The following LINS1 variants were observed in gnomAD, a reference collection of about 807,000 sequenced individuals.
LINS1 encodes the protein lines homolog 1, also known as protein Lines homolog 1.
LINS1 carries 27 observed loss-of-function variants against 41.6 expected under a neutral mutation model. The ratio of observed to expected loss-of-function variants is 0.65; its 90% CI spans 0.48 to 0.89. LINS1 has a LOEUF of 0.89. Ranked by LOEUF, LINS1 falls within the 40% of genes least tolerant of loss-of-function variation. The pLI is 0.00. For synonymous variants in LINS1, 336 were observed against 312.9 expected (o/e 1.07, Z -0.78); for missense variants, 955 against 884.1 (o/e 1.08, Z -1.02).
chr15:100,578,872 G>A (rs1161938662), intron 3 of LINS1, among the ~76,000 whole-genome samples: 1 of 152,126 alleles, frequency 6.6e-6, no homozygotes, highest in Non-Finnish European at 1.5e-5. Context: ...CATGTCCTTT[G>A]TAGGGACATG....
intron 1 of LINS1, chr15:100,586,299 T>G (rs1482266437): frequency 6.6e-6 from 1 of 152,232 alleles, no homozygotes; most frequent in East Asian, 1.9e-4. Context: ...ATTTTACATA[T>G]CTTGATTGAT....
chr15:100,595,022 A>C (rs928494303), intron 1 of LINS1, among the ~76,000 whole-genome samples: 2 of 152,220 alleles, frequency 1.3e-5, no homozygotes, highest in Admixed American at 1.3e-4. Flanking sequence ...CCTTGATTTT[A>C]CTTTCTCTAA....
At chr15:100,570,693 A>G (rs1236121103) in intron 6 of LINS1, 2 of 152,504 alleles carry the variant, frequency 1.3e-5, no homozygotes, top group Non-Finnish European at 2.9e-5. Context: ...GAAGTGATTG[A>G]TGACATGATT....
Position 100,580,889 on chromosome 15 carries a change from T to G in LINS1, c.-47A>C. On this transcript the variant is annotated 5_prime_UTR_variant, in exon 2 of 7. Coordinates refer to ENST00000314742, the MANE Select transcript of LINS1 (RefSeq NM_001040616.3). The stretch of plus-strand genomic sequence containing the variant: ...TATAAGAAGGTCGACAACTCCAAGT[T>G]GTAAACATTAAATCTCAGAAGTGCA... 7.1e-6 allele frequency: 11 copies of G among 1,544,754 alleles called. No homozygotes were observed. The highest frequency in any genetic ancestry group is 9.8e-6 in the Non-Finnish European group (11 of 1,127,974).
At chr15:100,574,872 T>C in intron 4 of LINS1, 115 bp downstream of exon 4, 1 of 1,131,358 alleles carries the variant, frequency 8.8e-7, no homozygotes, top group Non-Finnish European at 1.3e-6. Context: ...AGAGACTGAC[T>C]TTTTCATTAC....
intron 5 of LINS1, chr15:100,572,576 T>C (rs1014288538): frequency 7.3e-5 from 73 of 999,360 alleles, no homozygotes; most frequent in Non-Finnish European, 8.6e-5. Flanking sequence ...AACTGAATTA[T>C]ATAACAGGTG....
At position 100,569,590 on chromosome 15, in the gene LINS1, TC is replaced by T. The variant is rs1312264904; in HGVS notation, c.1921del (p.Glu641SerfsTer4). The part of the protein sequence containing the change: ...SSDDSDVEST[E>X]QCLANSKQTS... ...CTGTTTACTGTTAGCTAAACACTGC[TC>T]TGTGGATTCCACGTCAGAATCGTCA... On this transcript the variant is annotated frameshift_variant, in exon 7 of 7. Transcript: ENST00000314742. LOFTEE classifies it low-confidence loss of function (END_TRUNC). 1.9e-6 allele frequency: 3 copies of T among 1,613,674 alleles called. No homozygotes were observed. The highest frequency in any genetic ancestry group is 3.3e-5 in the Admixed American group (2 of 59,992).
intron 1 of LINS1, among the ~76,000 whole-genome samples, chr15:100,600,312 A>T (rs1325557191): frequency 1.3e-5 from 2 of 152,058 alleles, no homozygotes; most frequent in East Asian, 1.9e-4. Flanking sequence ...GGCTCAGGTA[A>T]ATCAGGCCTC....
intron 1 of LINS1, among the ~76,000 whole-genome samples, chr15:100,585,320 C>T (rs10438473): frequency 0.011 from 1,633 of 152,298 alleles, 30 homozygotes; most frequent in African/African-American, 0.037. Flanking sequence ...AACCTTCTCT[C>T]GCAGTTGCAA....
At chr15:100,577,172 G>C (rs891281441) in intron 3 of LINS1, among the ~76,000 whole-genome samples, 1 of 152,160 alleles carries the variant, frequency 6.6e-6, no homozygotes, top group Non-Finnish European at 1.5e-5. Context: ...GGAAATTCTG[G>C]CCAGGGCAAT....
At chr15:100,579,821 G>A (rs1374520731) in intron 3 of LINS1, among the ~76,000 whole-genome samples, 3 of 152,166 alleles carry the variant, frequency 2.0e-5, no homozygotes. Flanking sequence ...TTAGGGGGAA[G>A]GGGTCCACCT....
intron 4 of LINS1, among the ~76,000 whole-genome samples, 171 bp downstream of exon 4, chr15:100,574,816 T>A (rs1029726667): frequency 1.4e-5 from 2 of 147,432 alleles, no homozygotes; most frequent in Admixed American, 6.7e-5. Context: ...TTCCTTATAC[T>A]TTTTTTTCTT....
At chr15:100,584,189 G>C (rs2038694478) in intron 1 of LINS1, among the ~76,000 whole-genome samples, 1 of 152,012 alleles carries the variant, frequency 6.6e-6, no homozygotes, top group Non-Finnish European at 1.5e-5. Flanking sequence ...AGAATATTTT[G>C]TTTTAATTAC....
Position 100,579,188 on chromosome 15 carries a change from T to A in LINS1, c.489+1075A>T, listed in dbSNP as rs116065532. 9.9e-3 allele frequency among the ~76,000 whole-genome samples: 1,431 copies of A among 144,272 alleles called. 27 individuals carry two copies. The highest frequency in any genetic ancestry group is 0.036 in the African/African-American group (1,364 of 37,556). The allele number at this position is 144,272 out of a possible 152,430, so 94.6% of individuals were successfully genotyped here. On this transcript the variant is annotated intron_variant, in intron 3 of 6. Transcript: ENST00000314742. The stretch of plus-strand genomic sequence containing the variant: ...TTAAAGTATAATAAAAATATATATA[T>A]AAAAAAATAAAAAACTAAAAATAAA...
Position 100,574,855 on chromosome 15 carries a change from T to C in LINS1, c.631+132A>G. The C allele has an allele frequency of 2.1e-6, 2 of 958,900 alleles. 1 individual carries two copies. Among genetic ancestry groups the C allele is most frequent in the Non-Finnish European group, 3.2e-6 (2 of 625,590 alleles). 59.4% of individuals were successfully genotyped at this position (958,900 alleles called of 1,614,324 possible). On this transcript the variant is annotated intron_variant, in intron 4 of 6. Transcript: ENST00000314742. ...AAACAGGTTATCCTCAATCAAAATA[T>C]ATTGGAAGAGACTGACTTTTTCATT... is the stretch of plus-strand genomic sequence containing the variant.
chr15:100,593,401 C>T (rs931378777), intron 1 of LINS1, among the ~76,000 whole-genome samples: 1 of 152,136 alleles, frequency 6.6e-6, no homozygotes, highest in African/African-American at 2.4e-5. Flanking sequence ...TTGAATTTTG[C>T]ATTATATGCC....
chr15:100,571,389 G>A (rs2037814400), intron 6 of LINS1, among the ~76,000 whole-genome samples: 1 of 152,134 alleles, frequency 6.6e-6, no homozygotes, highest in Non-Finnish European at 1.5e-5. Context: ...TAATAAAGCA[G>A]AGACAATCAG....
chr15:100,581,353 G>A (rs1464977283), intron 1 of LINS1, among the ~76,000 whole-genome samples: 1 of 152,158 alleles, frequency 6.6e-6, no homozygotes, highest in African/African-American at 2.4e-5. Flanking sequence ...CACCTGACCT[G>A]CCAGATTTTG....
At position 100,580,870 on chromosome 15, in the gene LINS1, A is replaced by T. The variant is rs1331795695; in HGVS notation, c.-28T>A. 6.3e-7 allele frequency: 1 copy of T among 1,596,650 alleles called. No homozygotes were observed. Among genetic ancestry groups the T allele is most frequent in the African/African-American group, 1.3e-5 (1 of 74,590 alleles). On this transcript the variant is annotated 5_prime_UTR_variant, in exon 2 of 7. Transcript: ENST00000314742. ...TGACTTCCAAAATGTATCTTATAAGAAGGTCGACAACTCCAAGTTGTAAAC... is the reference window on the plus strand; with the variant it reads ...TGACTTCCAAAATGTATCTTATAAGTAGGTCGACAACTCCAAGTTGTAAAC...
Sources: allele counts gnomAD v4.1 joint callset (sites outside exome capture counted in the v4.1 genomes callset), GRCh38; gene constraint gnomAD v4.1.1; transcripts MANE v1.5; gene names NCBI Gene and HGNC (gene_info 2026-07-23, HGNC 2026-07-21).